The following GNA13 variants were observed in gnomAD, a reference collection of about 807,000 sequenced individuals.
The protein encoded by GNA13 is guanine nucleotide-binding protein subunit alpha-13.
In GNA13, 4 loss-of-function variants were observed where a neutral mutation model predicts 33.5. The observed-to-expected ratio is 0.12, with a 90% CI of 0.06 to 0.27. The LOEUF (loss-of-function observed/expected upper bound fraction) is 0.27, where lower values mean the gene tolerates loss of function less well. GNA13 is among the 10% of genes least tolerant of loss of function. The probability of loss-of-function intolerance (pLI) is 1.00; values close to 1 mark genes in which losing one functional copy is unlikely to be tolerated. For synonymous variants in GNA13, 176 were observed against 183.8 expected (o/e 0.96, Z 0.34); for missense variants, 319 against 487.2 (o/e 0.65, Z 3.25).
chr17:65,034,857 C>G (rs1434521598), intron 2 of GNA13, among the ~76,000 whole-genome samples: 1 of 152,150 alleles, frequency 6.6e-6, no homozygotes, highest in Non-Finnish European at 1.5e-5. Flanking sequence ...ACGATCTCAG[C>G]TCACTGAAAC....
At chr17:65,024,611 T>C (rs1906705997) in intron 2 of GNA13, among the ~76,000 whole-genome samples, 2 of 152,220 alleles carry the variant, frequency 1.3e-5, no homozygotes, top group South Asian at 4.1e-4. Context: ...TTAATCCTGG[T>C]AATCTATCAG....
chr17:65,020,830 T>C (rs1192087791), intron 2 of GNA13, among the ~76,000 whole-genome samples: 1 of 152,046 alleles, frequency 6.6e-6, no homozygotes, highest in East Asian at 1.9e-4. Flanking sequence ...TTTGTATTTT[T>C]AGTAGAGACA....
At chr17:65,041,290 G>C (rs752892276) in intron 2 of GNA13, among the ~76,000 whole-genome samples, 2 of 152,118 alleles carry the variant, frequency 1.3e-5, no homozygotes, top group Non-Finnish European at 2.9e-5. Context: ...AGAACCCAAT[G>C]ACATTGTTTT....
intron 2 of GNA13, among the ~76,000 whole-genome samples, chr17:65,034,145 T>C (rs1305961835): frequency 6.6e-6 from 1 of 151,732 alleles, no homozygotes; most frequent in Non-Finnish European, 1.5e-5. Context: ...CAGTCTATAA[T>C]AGCATAAGTA....
At chr17:65,020,043 A>T (rs1906526342) in intron 2 of GNA13, among the ~76,000 whole-genome samples, 1 of 152,226 alleles carries the variant, frequency 6.6e-6, no homozygotes, top group African/African-American at 2.4e-5. Flanking sequence ...TGGACTCAAT[A>T]AGCTCAACAG....
In GNA13 at chr17:65,016,457, G is replaced by A. The variant is rs199709507; in HGVS notation, c.562-1628C>T. Among the ~76,000 whole-genome samples the A allele has an allele frequency of 6.6e-5, 10 of 152,294 alleles. No homozygotes were observed. In the East Asian group the frequency reaches 1.9e-3, roughly 29 times the overall value. ...GCTCACTGCAACCTGCGCCTCCCAG[G>A]TTCAAGCGATTCTGCTCCTCAGCCT... On this transcript the variant is annotated intron_variant, in intron 3 of 3. Coordinates refer to ENST00000439174, the MANE Select transcript of GNA13 (RefSeq NM_006572.6).
rs543270299 is a variant in GNA13 at position 65,035,774 on chromosome 17, G to A, written c.511-17471C>T. On this transcript the variant is annotated intron_variant, in intron 2 of 3. Coordinates refer to ENST00000439174, the MANE Select transcript of GNA13 (RefSeq NM_006572.6). Reference sequence around the variant, plus strand: ...AGCTTTGTCAGAACTAGAACCCTTCGTTGTTAATTTTTTTTTTTTTTGGAT... The same window carrying A: ...AGCTTTGTCAGAACTAGAACCCTTCATTGTTAATTTTTTTTTTTTTTGGAT... 1.9e-4 allele frequency among the ~76,000 whole-genome samples: 29 copies of A among 148,884 alleles called. No homozygotes were observed. The South Asian group carries it at 5.6e-3, about 29-fold the overall frequency.
intron 2 of GNA13, among the ~76,000 whole-genome samples, chr17:65,031,241 C>T (rs574160737): frequency 5.3e-5 from 8 of 152,238 alleles, no homozygotes; most frequent in African/African-American, 1.2e-4. Flanking sequence ...GGTAAGTATT[C>T]GTGTATCTAA....
At chr17:65,015,041 AG>A (rs1906314305) in intron 3 of GNA13, among the ~76,000 whole-genome samples, 1 of 151,632 alleles carries the variant, frequency 6.6e-6, no homozygotes, top group Admixed American at 6.6e-5. Flanking sequence ...CTGAGGCAGG[AG>A]GATCGCTTGC....
chr17:65,022,288 G>A (rs1906609244), intron 2 of GNA13, among the ~76,000 whole-genome samples: 1 of 151,988 alleles, frequency 6.6e-6, no homozygotes, highest in South Asian at 2.1e-4. Flanking sequence ...GACTGAGGCA[G>A]TGTGTTGCAC....
chr17:65,025,782 C>G (rs1011195868), intron 2 of GNA13, among the ~76,000 whole-genome samples: 1 of 146,806 alleles, frequency 6.8e-6, no homozygotes, highest in Admixed American at 7.0e-5. Flanking sequence ...GAGTTCGAGA[C>G]CCAGCCTAGA....
At position 65,010,619 on chromosome 17, in the gene GNA13, A is replaced by G. The variant is rs1439262122; in HGVS notation, c.*3638T>C. ...ATGATGGGAGAGAGACAAATTAACT[A>G]GGTACTAAGTCAGATTTCCAAGTGA... On this transcript the variant is annotated 3_prime_UTR_variant, in exon 4 of 4. Transcript: ENST00000439174. 4.9e-6 allele frequency: 1 copy of G among 205,264 alleles called. No homozygotes were observed. The highest frequency in any genetic ancestry group is 1.0e-5 in the Non-Finnish European group (1 of 100,338). 12.7% of individuals were successfully genotyped at this position (205,264 alleles called of 1,614,324 possible). A position where few individuals can be genotyped will look rare whatever the true frequency, so the allele number is the denominator to read the frequency against.
chr17:65,027,776 C>A (rs974347193), intron 2 of GNA13, among the ~76,000 whole-genome samples: 1 of 152,110 alleles, frequency 6.6e-6, no homozygotes, highest in East Asian at 1.9e-4. Flanking sequence ...ATGGGAGAGG[C>A]CAAAACAAAA....
At chr17:65,055,535 T>C in intron 1 of GNA13, 2 of 850,554 alleles carry the variant, frequency 2.4e-6, no homozygotes, top group Non-Finnish European at 2.8e-6. Context: ...AGCCCCCAGT[T>C]ACTTAGCGAA....
intron 2 of GNA13, among the ~76,000 whole-genome samples, chr17:65,043,344 G>A (rs1192657014): frequency 6.6e-6 from 1 of 151,276 alleles, no homozygotes; most frequent in Non-Finnish European, 1.5e-5. Flanking sequence ...CTGGAGTGCA[G>A]TGGTGCAATC....
intron 2 of GNA13, among the ~76,000 whole-genome samples, chr17:65,046,773 CTATT>C: frequency 6.6e-6 from 1 of 152,334 alleles, no homozygotes; most frequent in African/African-American, 2.4e-5. Flanking sequence ...CATAACAAAA[CTATT>C]TACTTGTTCC....
At chr17:65,055,410 T>A (rs1002029111) in intron 1 of GNA13, among the ~76,000 whole-genome samples, 1 of 152,228 alleles carries the variant, frequency 6.6e-6, no homozygotes, top group African/African-American at 2.4e-5. Context: ...GAGCCAATTA[T>A]CTAACTCAAC....
intron 2 of GNA13, among the ~76,000 whole-genome samples, chr17:65,044,810 A>G (rs1479243139): frequency 6.6e-6 from 1 of 152,194 alleles, no homozygotes; most frequent in Admixed American, 6.5e-5. Flanking sequence ...TGGGAGGCTA[A>G]GGCGGACAGA....
chr17:65,050,681 T>C (rs1907830048), intron 2 of GNA13, among the ~76,000 whole-genome samples: 2 of 152,064 alleles, frequency 1.3e-5, no homozygotes, highest in South Asian at 2.1e-4. Flanking sequence ...CAGTGAGCTA[T>C]GATCACAACA....
Sources: allele counts gnomAD v4.1 joint callset (sites outside exome capture counted in the v4.1 genomes callset), GRCh38; gene constraint gnomAD v4.1.1; transcripts MANE v1.5; gene names NCBI Gene and HGNC (gene_info 2026-07-23, HGNC 2026-07-21).